Variants in DAB2IP observed in about 807,000 individuals in gnomAD.
DAB2IP encodes the protein disabled homolog 2-interacting protein.
Under a neutral mutation model 107.2 loss-of-function variants are expected in DAB2IP, and 28 were observed. The ratio of observed to expected loss-of-function variants is 0.26; its 90% CI spans 0.19 to 0.36. DAB2IP has a LOEUF of 0.36. Ranked by LOEUF, DAB2IP falls within the 10% of genes least tolerant of loss-of-function variation. DAB2IP has a pLI of 1.00. For synonymous variants in DAB2IP, 755 were observed against 706.4 expected (o/e 1.07, Z -1.09); for missense variants, 1,400 against 1,644.7 (o/e 0.85, Z 2.57).
At chr9:121,708,191 ATT>A (rs1830153834) in intron 3 of DAB2IP, among the ~76,000 whole-genome samples, 1 of 152,042 alleles carries the variant, frequency 6.6e-6, no homozygotes, top group South Asian at 2.1e-4. Flanking sequence ...ATTCTTACTG[ATT>A]TCTCATAGCA....
chr9:121,706,377 C>A (rs1298134363), intron 3 of DAB2IP, among the ~76,000 whole-genome samples: 1 of 152,170 alleles, frequency 6.6e-6, no homozygotes, highest in African/African-American at 2.4e-5. Context: ...AGCCACCCCC[C>A]AGTCAGAGCC....
rs939316834 is a variant in DAB2IP at position 121,706,123 on chromosome 9, C to T, written c.362+6665C>T. On this transcript the variant is annotated intron_variant, in intron 3 of 15. Transcript: ENST00000408936. Reference sequence around the variant, plus strand: ...TAGGTGAGTGAATGCTCCCCTTGCACGAAGAACCTCTGGTGGTTCTAGTCT... The same window carrying T: ...TAGGTGAGTGAATGCTCCCCTTGCATGAAGAACCTCTGGTGGTTCTAGTCT... Among the ~76,000 whole-genome samples, 5 of 152,188 alleles carry T rather than the reference C, an allele frequency of 3.3e-5. 1 individual carries two copies. In the South Asian group the frequency reaches 8.3e-4, roughly 25 times the overall value.
chr9:121,653,639 C>T lies in DAB2IP; in HGVS notation c.124+1740C>T, dbSNP rs530131883. Among the ~76,000 whole-genome samples, 16 of 152,236 alleles carry T rather than the reference C, an allele frequency of 1.1e-4. No individual in the cohort carries two copies. In the South Asian group the frequency reaches 2.1e-3, roughly 20 times the overall value. On this transcript the variant is annotated intron_variant, in intron 1 of 15. Coordinates refer to ENST00000408936, the Ensembl canonical transcript of DAB2IP. The stretch of plus-strand genomic sequence containing the variant: ...CCCACCTCACGTCACCTCACCCACC[C>T]GCCCCTCCTTTGCCTCAGAAATGCC...
chr9:121,663,669 T>A (rs1325291961), intron 1 of DAB2IP, among the ~76,000 whole-genome samples: 1 of 152,238 alleles, frequency 6.6e-6, no homozygotes, highest in Non-Finnish European at 1.5e-5. Flanking sequence ...CTCAGGACAC[T>A]GTACCTGTAC....
chr9:121,644,055 T>C (rs1029137083), intron 1 of DAB2IP, among the ~76,000 whole-genome samples: 1 of 151,848 alleles, frequency 6.6e-6, no homozygotes, highest in East Asian at 1.9e-4. Context: ...CCTGTAGTCC[T>C]AGCTGCTCGG....
intron 3 of DAB2IP, among the ~76,000 whole-genome samples, chr9:121,745,052 A>T (rs1363343712): frequency 6.6e-6 from 1 of 152,208 alleles, no homozygotes; most frequent in East Asian, 1.9e-4. Flanking sequence ...GCCAGGTGGC[A>T]GATGACAGGG....
chr9:121,724,245 A>G lies in DAB2IP; in HGVS notation c.362+24787A>G, dbSNP rs563883125. 3.9e-5 allele frequency among the ~76,000 whole-genome samples: 6 copies of G among 152,230 alleles called. No individual in the cohort carries two copies. The East Asian group carries it at 1.2e-3, about 29-fold the overall frequency. On this transcript the variant is annotated intron_variant, in intron 3 of 15. Coordinates refer to ENST00000408936, the Ensembl canonical transcript of DAB2IP. ...TCAGGTTCCTTCCTGTGGACCCTGAATGGGGAGCACCTGACTACCTTTCCA... is the reference window on the plus strand; with the variant it reads ...TCAGGTTCCTTCCTGTGGACCCTGAGTGGGGAGCACCTGACTACCTTTCCA...
chr9:121,597,606 C>T (rs905023647), intron 1 of DAB2IP, among the ~76,000 whole-genome samples: 3 of 152,204 alleles, frequency 2.0e-5, no homozygotes, highest in African/African-American at 7.2e-5. Flanking sequence ...GCTCTCTCAT[C>T]ACGTTTTACA....
intron 1 of DAB2IP, among the ~76,000 whole-genome samples, chr9:121,592,325 C>T (rs968886289): frequency 6.6e-6 from 1 of 151,588 alleles, no homozygotes; most frequent in African/African-American, 2.4e-5. Flanking sequence ...AAGATAGTGC[C>T]ACTGCACTCC....
chr9:121,652,678 C>A (rs1460730161), intron 1 of DAB2IP, among the ~76,000 whole-genome samples: 1 of 152,042 alleles, frequency 6.6e-6, no homozygotes, highest in Non-Finnish European at 1.5e-5. Flanking sequence ...AAAGACGGCG[C>A]CTTAGCAGGG....
chr9:121,742,077 A>G (rs925451209), intron 3 of DAB2IP, among the ~76,000 whole-genome samples: 64 of 152,218 alleles, frequency 4.2e-4, no homozygotes, highest in African/African-American at 1.5e-3. Context: ...TGAATGACTC[A>G]GCCCCTGTGG....
intron 3 of DAB2IP, among the ~76,000 whole-genome samples, chr9:121,746,895 C>G (rs540838694): frequency 2.0e-5 from 3 of 152,222 alleles, no homozygotes; most frequent in African/African-American, 7.2e-5. Context: ...GAAACCAGTC[C>G]CACTCAGGCC....
At chr9:121,582,184 C>G (rs1330329746) in intron 1 of DAB2IP, among the ~76,000 whole-genome samples, 1 of 152,170 alleles carries the variant, frequency 6.6e-6, no homozygotes, top group African/African-American at 2.4e-5. Flanking sequence ...TCAGCACAAA[C>G]GGGCCATTTT....
chr9:121,626,239 T>C lies in DAB2IP; in HGVS notation c.41-52439T>C, dbSNP rs146676071. 7.8e-4 allele frequency among the ~76,000 whole-genome samples: 118 copies of C among 152,092 alleles called. 2 individuals carry two copies. In the East Asian group the frequency reaches 0.021, roughly 27 times the overall value. On this transcript the variant is annotated intron_variant, in intron 1 of 16. Transcript: ENST00000259371. The stretch of plus-strand genomic sequence containing the variant: ...TGAGCTCTTGCCTTGTGCCTGGCAC[T>C]GGGCATCCCTGGAGGCTGCAGAGAT...
At chr9:121,728,453 G>A (rs1022487217) in intron 3 of DAB2IP, among the ~76,000 whole-genome samples, 3 of 152,182 alleles carry the variant, frequency 2.0e-5, no homozygotes, top group Non-Finnish European at 4.4e-5. Context: ...ATTTGGGCCC[G>A]TTCCTTAACT....
chr9:121,770,888 A>G (rs1035143714), intron 11 of DAB2IP, among the ~76,000 whole-genome samples, 164 bp downstream of exon 11: 1 of 152,194 alleles, frequency 6.6e-6, no homozygotes, highest in Non-Finnish European at 1.5e-5. Flanking sequence ...TCCATTTGGG[A>G]AAAATCAGGG....
rs1564240435 is a variant in DAB2IP, at chr9:121,783,639, A to AGACTT, written c.*1143_*1147dup. On this transcript the variant is annotated 3_prime_UTR_variant, in exon 16 of 16. Transcript: ENST00000408936. ...GGAAATAGCGGCCCTGGAGGATGTTAGACTTGCTCCCTCTCCAAGACAGCA... is the reference window on the plus strand; with the variant it reads ...GGAAATAGCGGCCCTGGAGGATGTTAGACTTGACTTGCTCCCTCTCCAAGACAGCA... The AGACTT allele has an allele frequency of 4.0e-6, 6 of 1,495,870 alleles. No individual in the cohort carries two copies. The South Asian group carries it at 6.8e-5, about 17-fold the overall frequency. The allele number at this position is 1,495,870 out of a possible 1,614,324, so 92.7% of individuals were successfully genotyped here.
chr9:121,599,792 G>C lies in DAB2IP; in HGVS notation c.40+32564G>C, dbSNP rs1219174730. Among the ~76,000 whole-genome samples the C allele has an allele frequency of 6.6e-6, 1 of 152,118 alleles. No individual in the cohort carries two copies. The highest frequency in any genetic ancestry group is 1.5e-5 in the Non-Finnish European group (1 of 67,998). ...GTAAAAGCTGGGGGCCGCGGCTCAG[G>C]TGGAGGGGGGCTCGGTGGTTTGCCG... On this transcript the variant is annotated intron_variant, in intron 1 of 16. Transcript: ENST00000259371. The surrounding 1 kb of genome is among the most constrained non-coding windows in gnomAD (Gnocchi z 6.9).
chr9:121,758,877 T>G, intron 4 of DAB2IP, 21 bp from the exon 5 acceptor site: 1 of 1,608,956 alleles, frequency 6.2e-7, no homozygotes, highest in Non-Finnish European at 8.5e-7. Flanking sequence ...CTCATAACAC[T>G]GTCTTGCCTG....
Sources: allele counts gnomAD v4.1 joint callset (sites outside exome capture counted in the v4.1 genomes callset), GRCh38; gene constraint gnomAD v4.1.1; non-coding constraint Gnocchi (gnomAD v3.1); transcripts MANE v1.5; gene names NCBI Gene and HGNC (gene_info 2026-07-23, HGNC 2026-07-21).